GEMIN7: variants seen among roughly 807,000 people sequenced by gnomAD.
GEMIN7 encodes the protein gem nuclear organelle associated protein 7, also known as gem-associated protein 7.
GEMIN7 carries 7 observed loss-of-function variants against 7.8 expected under a neutral mutation model. The ratio of observed to expected loss-of-function variants is 0.90; its 90% CI spans 0.51 to 1.69. The LOEUF is 1.69. Ranked by LOEUF, GEMIN7 falls within the 40% of genes most tolerant of loss-of-function variation. The pLI is 0.00. For synonymous variants in GEMIN7, 68 were observed against 72.4 expected, an observed-to-expected ratio of 0.94 and a Z score of 0.31; for missense variants, 159 against 176.2, an observed-to-expected ratio of 0.90 and a Z score of 0.55.
Position 45,079,992 on chromosome 19 carries a change from G to A in GEMIN7, c.-46G>A, listed in dbSNP as rs1051513291. 2.0e-5 allele frequency: 3 copies of A among 152,296 alleles called. No individual in the cohort carries two copies. Among genetic ancestry groups the A allele is most frequent in the Non-Finnish European group, 2.9e-5 (2 of 68,072 alleles). The allele number at this position is 152,296 out of a possible 1,614,324, so 9.4% of individuals were successfully genotyped here. ...TGGCCAAATGTTTGTCCACTGAGCTGATCTCCTCTCTGGAGCACCGGGGCC... is the reference window on the plus strand; with the variant it reads ...TGGCCAAATGTTTGTCCACTGAGCTAATCTCCTCTCTGGAGCACCGGGGCC... On this transcript the variant is annotated 5_prime_UTR_variant, in exon 2 of 3. Coordinates refer to ENST00000270257, the MANE Select transcript of GEMIN7 (RefSeq NM_024707.3).
intron 2 of GEMIN7, among the ~76,000 whole-genome samples, chr19:45,083,148 T>C (rs980684330): frequency 6.6e-6 from 1 of 152,128 alleles, no homozygotes; most frequent in Non-Finnish European, 1.5e-5. Flanking sequence ...AAAGTTAAAA[T>C]TGAAAATATG....
At chr19:45,078,870 T>A (rs1967409889), upstream of GEMIN7, among the ~76,000 whole-genome samples, 1 of 152,210 alleles carries the variant, frequency 6.6e-6, no homozygotes, top group Non-Finnish European at 1.5e-5. Flanking sequence ...ATGCGGCATC[T>A]GAAACCATGA....
chr19:45,079,859 T>C (rs1488283593), intron 1 of GEMIN7, 48 bp from the exon 2 acceptor site: 1 of 152,186 alleles, frequency 6.6e-6, no homozygotes, highest in Non-Finnish European at 1.5e-5. Flanking sequence ...GATGTCTGTA[T>C]GTGTGTGTGT....
In GEMIN7 at chr19:45,090,208, G is replaced by GC. The variant is rs1336913848; in HGVS notation, c.99dup (p.Arg35GlufsTer6). On this transcript the variant is annotated frameshift_variant, in exon 3 of 3. Transcript: ENST00000270257. LOFTEE classifies it high-confidence loss of function. ...TGGCTTTGCCCCTGATGGACGCAGA[G>GC]CCCCCTTGAGGCCAGAGGTTCCTGA... is the stretch of plus-strand genomic sequence containing the variant. 1.7e-5 allele frequency: 27 copies of GC among 1,614,084 alleles called. No homozygotes were observed. Among genetic ancestry groups the GC allele is most frequent in the Non-Finnish European group, 2.2e-5 (26 of 1,180,054 alleles).
upstream of GEMIN7, chr19:45,076,453 G>T: frequency 9.4e-7 from 1 of 1,067,762 alleles, no homozygotes; most frequent in South Asian, 4.6e-5. The surrounding 1 kb of genome is among the most constrained non-coding windows in gnomAD (Gnocchi z 4.9). Context: ...AGGACGCGCG[G>T]ACCGTGCGCG....
At chr19:45,082,452 G>A (rs1967533333) in intron 2 of GEMIN7, among the ~76,000 whole-genome samples, 2 of 152,106 alleles carry the variant, frequency 1.3e-5, no homozygotes. Flanking sequence ...CTCACTTTGG[G>A]TCATCACTGC....
chr19:45,090,746 C>A lies in GEMIN7; in HGVS notation c.*236C>A, dbSNP rs910428134. Reference sequence around the variant, plus strand: ...TGCTCTACCTCACAGAACTCTGAACCCTACAGAAATATGGGCCTGCTGCCA... The same window carrying A: ...TGCTCTACCTCACAGAACTCTGAACACTACAGAAATATGGGCCTGCTGCCA... On this transcript the variant is annotated 3_prime_UTR_variant, in exon 3 of 3. Transcript: ENST00000270257. 1.2e-5 allele frequency: 6 copies of A among 512,772 alleles called. No homozygotes were observed. The highest frequency in any genetic ancestry group is 1.8e-5 in the Non-Finnish European group (5 of 278,214). The allele number at this position is 512,772 out of a possible 1,614,324, so 31.8% of individuals were successfully genotyped here. A position where few individuals can be genotyped will look rare whatever the true frequency, so the allele number is the denominator to read the frequency against.
chr19:45,086,996 G>T (rs1361480926), intron 2 of GEMIN7, among the ~76,000 whole-genome samples: 1 of 151,172 alleles, frequency 6.6e-6, no homozygotes, highest in Non-Finnish European at 1.5e-5. Flanking sequence ...ACAGGCACGT[G>T]CCACCATGCC....
intron 2 of GEMIN7, among the ~76,000 whole-genome samples, chr19:45,089,318 C>A (rs544433849): frequency 6.6e-6 from 1 of 152,290 alleles, no homozygotes; most frequent in South Asian, 2.1e-4. Flanking sequence ...TATTTTCCTT[C>A]TCTTCCTTAT....
At chr19:45,077,429 G>C (rs1967377193), upstream of GEMIN7, among the ~76,000 whole-genome samples, 1 of 151,984 alleles carries the variant, frequency 6.6e-6, no homozygotes, top group Non-Finnish European at 1.5e-5. Context: ...AAGTGGCATC[G>C]ACACCCTGCC....
upstream of GEMIN7, chr19:45,076,355 C>G (rs1292685773): frequency 7.4e-7 from 1 of 1,348,920 alleles, no homozygotes; most frequent in Non-Finnish European, 9.5e-7. The surrounding 1 kb of genome is among the most constrained non-coding windows in gnomAD (Gnocchi z 4.9). Context: ...GGCGCGCTGC[C>G]GGCCTTGCGG....
chr19:45,082,692 C>T (rs188722743), intron 2 of GEMIN7, among the ~76,000 whole-genome samples: 1 of 152,066 alleles, frequency 6.6e-6, no homozygotes, highest in East Asian at 1.9e-4. Context: ...AGTTATGGCT[C>T]ACTGCAGCCT....
chr19:45,086,088 C>T (rs1455639720), intron 2 of GEMIN7, among the ~76,000 whole-genome samples: 2 of 151,636 alleles, frequency 1.3e-5, no homozygotes, highest in South Asian at 2.1e-4. Flanking sequence ...AGGATGGTCT[C>T]GATCTCCTGA....
In GEMIN7 at chr19:45,083,001, A is replaced by G. The variant is rs138483760; in HGVS notation, c.-9+2972A>G. Among the ~76,000 whole-genome samples, 4 of 152,292 alleles carry G rather than the reference A, an allele frequency of 2.6e-5. No individual in the cohort carries two copies. In the East Asian group the frequency reaches 7.7e-4, roughly 29 times the overall value. On this transcript the variant is annotated intron_variant, in intron 2 of 2. Transcript: ENST00000270257. ...AGTAAGTAAGGTTTTGTTGGAGAAC[A>G]GCCATGTTCATTTGTTTCCATATTG... is the stretch of plus-strand genomic sequence containing the variant.
intron 2 of GEMIN7, among the ~76,000 whole-genome samples, chr19:45,084,514 T>C (rs1967613267): frequency 6.6e-6 from 1 of 152,166 alleles, no homozygotes; most frequent in Non-Finnish European, 1.5e-5. Context: ...GCGATTCTTA[T>C]GCCTCAGCCT....
chr19:45,076,000 G>T (rs1220998855), upstream of GEMIN7: 1 of 1,566,808 alleles, frequency 6.4e-7, no homozygotes, highest in African/African-American at 1.4e-5. Context: ...AGGGCGAGGG[G>T]CCCATGCCCA....
In GEMIN7 at chr19:45,090,515, A is replaced by G; in HGVS notation, c.*5A>G. On this transcript the variant is annotated 3_prime_UTR_variant, in exon 3 of 3. Coordinates refer to ENST00000270257, the MANE Select transcript of GEMIN7 (RefSeq NM_024707.3). ...TCATATACCTTCAAGCCATAAAGAT[A>G]TTGTGTTCACTTTTCTGCTTGAGGC... is the stretch of plus-strand genomic sequence containing the variant. 1.9e-6 allele frequency: 3 copies of G among 1,599,478 alleles called. No homozygotes were observed. The highest frequency in any genetic ancestry group is 2.2e-5 in the South Asian group (2 of 90,564).
In GEMIN7 at chr19:45,090,168, T is replaced by C; in HGVS notation, c.54T>C (p.Pro18=). 6.2e-7 allele frequency: 1 copy of C among 1,614,134 alleles called. No homozygotes were observed. Among genetic ancestry groups the C allele is most frequent in the South Asian group, 1.1e-5 (1 of 91,092 alleles). Residue 18 remains proline, a synonymous_variant, in exon 3 of 3, where the codon CCT becomes CCC. Transcript: ENST00000270257. Reference sequence around the variant, plus strand: ...CTGTGCTCCGGCTGCCCCGGGGCCCTGATGGCTTCAGCCGTGGCTTTGCCC... The same window carrying C: ...CTGTGCTCCGGCTGCCCCGGGGCCCCGATGGCTTCAGCCGTGGCTTTGCCC... ...PVPVLRLPRG[P]DGFSRGFAPD...
chr19:45,090,024 A>G, intron 2 of GEMIN7, 83 bp from the exon 3 acceptor site: 1 of 1,413,418 alleles, frequency 7.1e-7, no homozygotes. Context: ...CTGGTAGACC[A>G]GCCTCTGCTT....
Sources: gnomAD v4.1 joint callset for allele counts (sites outside exome capture counted in the v4.1 genomes callset) on GRCh38, gnomAD v4.1.1 for gene constraint, Gnocchi (gnomAD v3.1) non-coding constraint, MANE v1.5 for transcripts, NCBI Gene and HGNC (gene_info 2026-07-23, HGNC 2026-07-21) for gene names.